Variants in CCDC7 observed in about 807,000 individuals in gnomAD.
The protein encoded by CCDC7 is coiled-coil domain-containing protein 7.
Under a neutral mutation model 196.9 loss-of-function variants are expected in CCDC7, and 183 were observed. That is an observed-to-expected ratio of 0.93 (90% CI 0.82 to 1.05). The LOEUF (loss-of-function observed/expected upper bound fraction) is 1.05. CCDC7 is among the 50% of genes least tolerant of loss of function. CCDC7 has a pLI of 0.00. For missense variants in CCDC7, 1,540 were observed against 1,482.2 expected, an observed-to-expected ratio of 1.04 and a Z score of -0.64; for synonymous variants, 525 against 484.6, an observed-to-expected ratio of 1.08 and a Z score of -1.10.
intron 35 of CCDC7, 86 bp from the exon 37 acceptor site, chr10:32,845,790 C>A: frequency 9.4e-7 from 1 of 1,063,510 alleles, no homozygotes; most frequent in South Asian, 1.4e-5. Flanking sequence ...CACACACACA[C>A]ACACATACAC....
Position 32,463,019 on chromosome 10 carries a change from G to A in CCDC7, c.480G>A (p.Trp160Ter). ...GTCCCTCTTTTGTTTTCTTAAAGTG[G>A]TTTCAGTGGCAGGTCAATCAGATGG... The change falls in exon 5 of 42, where the codon TGG becomes TGA. Residue 160 changes from tryptophan (W) to a stop codon, truncating the protein, a stop_gained and splice_region_variant. Transcript: ENST00000639629. LOFTEE classifies it high-confidence loss of function. 1 of 1,613,448 alleles carries A rather than the reference G, an allele frequency of 6.2e-7. No homozygotes were observed. Among genetic ancestry groups the A allele is most frequent in the Non-Finnish European group, 8.5e-7 (1 of 1,179,724 alleles).
chr10:32,686,341 A>G (rs2076464598), intron 22 of CCDC7, among the ~76,000 whole-genome samples: 1 of 152,212 alleles, frequency 6.6e-6, no homozygotes. Flanking sequence ...TGTCTTTCAA[A>G]GAGTGTGTAC....
chr10:32,721,473 C>G (rs961986984), intron 25 of CCDC7, among the ~76,000 whole-genome samples: 1 of 152,152 alleles, frequency 6.6e-6, no homozygotes, highest in Admixed American at 6.5e-5. Context: ...AGCCTCCAGG[C>G]AATCCTGTTG....
chr10:32,491,422 T>C (rs1453379391), intron 8 of CCDC7, among the ~76,000 whole-genome samples: 1 of 152,198 alleles, frequency 6.6e-6, no homozygotes, highest in Non-Finnish European at 1.5e-5. Flanking sequence ...AGTAGCATCT[T>C]AGGTTCTCTT....
intron 18 of CCDC7, among the ~76,000 whole-genome samples, chr10:32,598,413 C>T (rs2060643545): frequency 6.6e-6 from 1 of 152,176 alleles, no homozygotes; most frequent in South Asian, 2.1e-4. Context: ...CATGGCTTCC[C>T]TTTGCTAGGA....
intron 20 of CCDC7, among the ~76,000 whole-genome samples, chr10:32,636,205 G>A (rs565721146): frequency 1.3e-5 from 2 of 151,850 alleles, no homozygotes; most frequent in Non-Finnish European, 2.9e-5. Context: ...CACAGATCTG[G>A]TTTTCATTTA....
At position 32,680,709 on chromosome 10, in the gene CCDC7, G is replaced by A. The variant is rs545058244; in HGVS notation, c.2123-5261G>A. Among the ~76,000 whole-genome samples, 19 of 152,242 alleles carry A rather than the reference G, an allele frequency of 1.2e-4. No homozygotes were observed. In the South Asian group the frequency reaches 2.1e-3, roughly 17 times the overall value. The stretch of plus-strand genomic sequence containing the variant: ...TTATCTATTTGCCTGTCATCTTGGC[G>A]TCAAGGGTTGTCAAGATCACAGTCA... On this transcript the variant is annotated intron_variant, in intron 21 of 41. Coordinates refer to ENST00000639629, the Ensembl canonical transcript of CCDC7.
chr10:32,473,430 G>A (rs1307477415), intron 7 of CCDC7, among the ~76,000 whole-genome samples: 1 of 152,214 alleles, frequency 6.6e-6, no homozygotes, highest in African/African-American at 2.4e-5. Context: ...AGTGGGAATG[G>A]ATGCTCTGCT....
intron 18 of CCDC7, among the ~76,000 whole-genome samples, chr10:32,597,289 ATGT>A (rs1166233022): frequency 6.6e-6 from 1 of 152,068 alleles, no homozygotes; most frequent in East Asian, 1.9e-4. Flanking sequence ...ATCACTGATA[ATGT>A]TTCTTCAATT....
At chr10:32,599,340 CATGT>C (rs750323421) in intron 18 of CCDC7, among the ~76,000 whole-genome samples, 1 of 151,964 alleles carries the variant, frequency 6.6e-6, no homozygotes, top group Admixed American at 6.6e-5. Context: ...GTCATTGGGT[CATGT>C]ATGTATGTAT....
At chr10:32,652,406 A>C (rs2068937035) in intron 20 of CCDC7, among the ~76,000 whole-genome samples, 1 of 151,990 alleles carries the variant, frequency 6.6e-6, no homozygotes, top group Admixed American at 6.6e-5. Flanking sequence ...GTCCTTTAAC[A>C]TTCATGGTTA....
At chr10:32,625,221 C>A (rs2063872269) in intron 18 of CCDC7, among the ~76,000 whole-genome samples, 1 of 151,190 alleles carries the variant, frequency 6.6e-6, no homozygotes, top group South Asian at 2.1e-4. Context: ...TTATTTTTTG[C>A]ATGTGGATAT....
intron 25 of CCDC7, chr10:32,725,380 A>ACCC (rs1259190389): frequency 2.1e-6 from 1 of 470,866 alleles, no homozygotes; most frequent in South Asian, 1.5e-5. Context: ...CCCAAGACTG[A>ACCC]GGGTATGTTT....
At chr10:32,824,597 T>C (rs2090829268) in exon 32 of CCDC7, 2 of 1,605,188 alleles carry the variant, frequency 1.2e-6, no homozygotes, top group East Asian at 4.5e-5. Context: ...AGAGAAAGAG[T>C]TACCCTGGTA....
chr10:32,778,856 C>T (rs900328163), intron 28 of CCDC7, 121 bp from the exon 30 acceptor site: 2 of 661,834 alleles, frequency 3.0e-6, no homozygotes, highest in African/African-American at 1.8e-5. Flanking sequence ...ATTTCTTTTG[C>T]AGTGTTTTTG....
Position 32,854,591 on chromosome 10 carries a change from A to C in CCDC7, c.4111+102A>C, listed in dbSNP as rs915200135. The C allele has an allele frequency of 2.8e-5, 20 of 714,068 alleles. No homozygotes were observed. The Admixed American group carries it at 6.0e-4, about 22-fold the overall frequency. 44.2% of individuals were successfully genotyped at this position (714,068 alleles called of 1,614,324 possible). On this transcript the variant is annotated intron_variant, in intron 41 of 41. Transcript: ENST00000639629. ...CAAACCTCTGGGCTTCCTTCTTCAA[A>C]CAACCAACCTTATGGGTGAGGCATG...
chr10:32,596,252 C>T (rs996167035), intron 18 of CCDC7, among the ~76,000 whole-genome samples: 2 of 152,156 alleles, frequency 1.3e-5, no homozygotes, highest in Non-Finnish European at 2.9e-5. Context: ...GAATAGTTAG[C>T]TCTTCTTGTT....
chr10:32,817,651 C>G (rs1441722001), intron 31 of CCDC7, among the ~76,000 whole-genome samples: 6 of 152,138 alleles, frequency 3.9e-5, no homozygotes, highest in Non-Finnish European at 5.9e-5. Flanking sequence ...AGCAGAAACT[C>G]TACAAGCCAG....
chr10:32,571,862 A>G, exon 16 of CCDC7: 5 of 1,568,440 alleles, frequency 3.2e-6, no homozygotes, highest in Non-Finnish European at 4.3e-6. Context: ...ATCACAGATC[A>G]CTGCCCAAAG....
Sources: allele counts gnomAD v4.1 joint callset (sites outside exome capture counted in the v4.1 genomes callset), GRCh38; gene constraint gnomAD v4.1.1; transcripts MANE v1.5; gene names NCBI Gene and HGNC (gene_info 2026-07-23, HGNC 2026-07-21).